The following STK33 variants were observed in gnomAD, a reference collection of about 807,000 sequenced individuals.
The protein encoded by STK33 is serine/threonine-protein kinase 33.
Under a neutral mutation model 58.0 loss-of-function variants are expected in STK33, and 52 were observed. That is an observed-to-expected ratio of 0.90 (90% confidence interval 0.72 to 1.13). The LOEUF (loss-of-function observed/expected upper bound fraction) is 1.13, where lower values mean the gene tolerates loss of function less well. Ranked by LOEUF, STK33 falls within the 50% of genes most tolerant of loss-of-function variation. The probability of loss-of-function intolerance (pLI) is 0.00; values close to 1 mark genes in which losing one functional copy is unlikely to be tolerated. For missense variants in STK33, 630 were observed against 604.2 expected, an observed-to-expected ratio of 1.04 and a Z score of -0.45; for synonymous variants, 215 against 200.1, an observed-to-expected ratio of 1.07 and a Z score of -0.63.
chr11:8,474,955 A>G lies in STK33; in HGVS notation c.-50T>C. 1 of 1,516,860 alleles carries G rather than the reference A, an allele frequency of 6.6e-7. No homozygotes were observed. The highest frequency in any genetic ancestry group is 8.8e-7 in the Non-Finnish European group (1 of 1,131,868). The allele number at this position is 1,516,860 out of a possible 1,614,324, so 94.0% of individuals were successfully genotyped here. On this transcript the variant is annotated 5_prime_UTR_variant, in exon 5 of 16. Transcript: ENST00000687296. ...ACTTTAAAAATGTTTCCACTGTTTG[A>G]GGAAGAAAACCAGGCCAAAAAGGAT...
chr11:8,364,791 T>C, the STK33 span, among the ~76,000 whole-genome samples: 1 of 152,228 alleles, frequency 6.6e-6, no homozygotes, highest in Non-Finnish European at 1.5e-5. Context: ...CCTTCTTCTG[T>C]TGATGGACGT....
chr11:8,567,944 T>C (rs976275185), intron 1 of STK33, among the ~76,000 whole-genome samples: 2 of 152,178 alleles, frequency 1.3e-5, no homozygotes, highest in African/African-American at 4.8e-5. Flanking sequence ...CAGCAATATA[T>C]CTGACTAATG....
chr11:8,441,779 A>C (rs929860286), intron 11 of STK33, among the ~76,000 whole-genome samples: 1 of 152,184 alleles, frequency 6.6e-6, no homozygotes, highest in South Asian at 2.1e-4. Flanking sequence ...GAAAAATACA[A>C]TATATGTATA....
At chr11:8,504,150 A>G (rs1042583431) in intron 1 of STK33, among the ~76,000 whole-genome samples, 2 of 152,246 alleles carry the variant, frequency 1.3e-5, no homozygotes, top group Admixed American at 1.3e-4. Flanking sequence ...AATAAGTGCA[A>G]CAGACTATTT....
At chr11:8,395,580 G>C (rs888680210) in intron 15 of STK33, among the ~76,000 whole-genome samples, 3 of 152,044 alleles carry the variant, frequency 2.0e-5, no homozygotes, top group African/African-American at 7.3e-5. Flanking sequence ...TTTACACCTT[G>C]ACTTTTTTCA....
chr11:8,518,694 A>T (rs1180291979), intron 1 of STK33, among the ~76,000 whole-genome samples: 1 of 152,244 alleles, frequency 6.6e-6, no homozygotes, highest in African/African-American at 2.4e-5. Flanking sequence ...TTGCAATCCT[A>T]GTCTCTGATA....
intron 1 of STK33, among the ~76,000 whole-genome samples, chr11:8,493,986 C>G (rs11041951): frequency 2.0e-5 from 3 of 151,936 alleles, no homozygotes; most frequent in South Asian, 2.1e-4. Flanking sequence ...CCCACAGCCA[C>G]TATCATACTG....
chr11:8,392,290 G>T lies in STK33; in HGVS notation c.*220C>A. The T allele has an allele frequency of 3.4e-6, 2 of 582,188 alleles. No individual in the cohort carries two copies. Among genetic ancestry groups the T allele is most frequent in the Non-Finnish European group, 6.0e-6 (2 of 331,816 alleles). The allele number at this position is 582,188 out of a possible 1,614,324, so 36.1% of individuals were successfully genotyped here. On this transcript the variant is annotated 3_prime_UTR_variant, in exon 16 of 16. Transcript: ENST00000687296. ...GAGTTGATTTCCACTGCAGCCCACTGCCAAGCCTACTGGTGGCTGTCCTTT... is the reference window on the plus strand; with the variant it reads ...GAGTTGATTTCCACTGCAGCCCACTTCCAAGCCTACTGGTGGCTGTCCTTT...
chr11:8,433,692 T>G (rs562306378), intron 14 of STK33, among the ~76,000 whole-genome samples: 1 of 152,274 alleles, frequency 6.6e-6, no homozygotes, highest in East Asian at 1.9e-4. Flanking sequence ...ATCCAACCAG[T>G]TGTTAGAATA....
chr11:8,478,749 A>G (rs532909356), intron 2 of STK33, among the ~76,000 whole-genome samples: 1,834 of 150,724 alleles, frequency 0.012, 37 homozygotes, highest in African/African-American at 0.042. Context: ...GTAAAGGGGA[A>G]AAAAAAAAAA....
At chr11:8,381,232 A>T in the STK33 span, among the ~76,000 whole-genome samples, 1 of 152,228 alleles carries the variant, frequency 6.6e-6, no homozygotes, top group African/African-American at 2.4e-5. Flanking sequence ...GTGTAACCAA[A>T]AACCACTTGT....
the STK33 span, among the ~76,000 whole-genome samples, chr11:8,337,714 T>A: frequency 6.7e-6 from 1 of 149,748 alleles, no homozygotes; most frequent in African/African-American, 2.5e-5. Flanking sequence ...CGTCTACCGC[T>A]CCCCCGCCCC....
chr11:8,550,401 T>C (rs931485182), intron 1 of STK33, among the ~76,000 whole-genome samples: 3 of 152,128 alleles, frequency 2.0e-5, no homozygotes. Flanking sequence ...CGCCTCAGCC[T>C]CCCAAAGTGC....
chr11:8,352,280 C>G, the STK33 span, among the ~76,000 whole-genome samples: 1 of 152,182 alleles, frequency 6.6e-6, no homozygotes, highest in African/African-American at 2.4e-5. Context: ...GCCTTGAAGA[C>G]TGATGCTACC....
intron 15 of STK33, among the ~76,000 whole-genome samples, chr11:8,410,696 C>T (rs1400209833): frequency 6.6e-6 from 1 of 152,102 alleles, no homozygotes; most frequent in Non-Finnish European, 1.5e-5. Flanking sequence ...TGGTGTTGAA[C>T]TCCTGACCTC....
intron 1 of STK33, among the ~76,000 whole-genome samples, chr11:8,553,221 A>T (rs1438807229): frequency 3.7e-5 from 4 of 109,144 alleles, no homozygotes; most frequent in Non-Finnish European, 7.2e-5. Context: ...ATATATATAT[A>T]TATGGTGTGT....
intron 15 of STK33, among the ~76,000 whole-genome samples, chr11:8,408,656 G>T (rs538357854): frequency 3.3e-5 from 5 of 152,244 alleles, no homozygotes; most frequent in Admixed American, 2.0e-4. Context: ...TGTTTGAGAG[G>T]TCCCCACAAT....
chr11:8,446,587 C>T (rs1388933369), intron 11 of STK33, among the ~76,000 whole-genome samples: 1 of 152,104 alleles, frequency 6.6e-6, no homozygotes, highest in Admixed American at 6.5e-5. Context: ...GCTACAGTAA[C>T]CAAAACAGCC....
chr11:8,523,512 C>T (rs1319194291), intron 1 of STK33, among the ~76,000 whole-genome samples: 5 of 148,998 alleles, frequency 3.4e-5, no homozygotes, highest in East Asian at 2.1e-4. Context: ...GGAGCCCCTC[C>T]GCTGGGCAGC....
Sources: allele counts gnomAD v4.1 joint callset (sites outside exome capture counted in the v4.1 genomes callset), GRCh38; gene constraint gnomAD v4.1.1; transcripts MANE v1.5; gene names NCBI Gene and HGNC (gene_info 2026-07-23, HGNC 2026-07-21).